The following ACOXL variants were observed in gnomAD, a reference collection of about 807,000 sequenced individuals.
ACOXL encodes acyl-CoA oxidase like, also known as acyl-coenzyme A oxidase-like protein.
A neutral mutation model predicts 71.9 loss-of-function variants in ACOXL; 70 were observed. That is an observed-to-expected ratio of 0.97 (90% CI 0.80 to 1.19). ACOXL has a LOEUF of 1.19. Among genes scored for constraint, ACOXL ranks in the 50% most tolerant of loss-of-function variants. ACOXL has a pLI of 0.00. For synonymous variants in ACOXL, 253 were observed against 281.6 expected (o/e 0.90, Z 1.02); for missense variants, 703 against 736.3 (o/e 0.95, Z 0.52).
chr2:110,988,991 A>G lies in ACOXL; in HGVS notation c.1169+1774A>G, dbSNP rs940709462. 2.7e-5 allele frequency among the ~76,000 whole-genome samples: 4 copies of G among 149,812 alleles called. 1 individual carries two copies. The South Asian group carries it at 6.3e-4, about 24-fold the overall frequency. On this transcript the variant is annotated intron_variant, in intron 13 of 17. Coordinates refer to ENST00000439055, the MANE Select transcript of ACOXL (RefSeq NM_001142807.4). ...TTGTGGCTTGTCTTATATTTTCTTT[A>G]TCGTGTGTTTTGATTGAGATAAATT...
At chr2:110,746,061 T>A (rs188840966) in intron 1 of ACOXL, among the ~76,000 whole-genome samples, 1 of 152,290 alleles carries the variant, frequency 6.6e-6, no homozygotes, top group Non-Finnish European at 1.5e-5. Flanking sequence ...CCTTACAACG[T>A]CAAGGCTGGC....
chr2:110,913,236 G>A (rs1466784728), intron 11 of ACOXL, among the ~76,000 whole-genome samples: 1 of 152,124 alleles, frequency 6.6e-6, no homozygotes, highest in Admixed American at 6.6e-5. Flanking sequence ...ATATATCTCA[G>A]CGCTTCTACT....
chr2:110,781,533 T>C (rs1377482871), intron 2 of ACOXL, among the ~76,000 whole-genome samples: 1 of 151,684 alleles, frequency 6.6e-6, no homozygotes, highest in African/African-American at 2.4e-5. Context: ...TCCCAGCTAC[T>C]CGGGAAGCTG....
intron 10 of ACOXL, among the ~76,000 whole-genome samples, chr2:110,862,117 A>G (rs1489630818): frequency 6.6e-6 from 1 of 152,094 alleles, no homozygotes; most frequent in Non-Finnish European, 1.5e-5. Flanking sequence ...GAGAACCCTC[A>G]CGCTTTGGCA....
intron 12 of ACOXL, among the ~76,000 whole-genome samples, chr2:110,934,814 G>A (rs886780502): frequency 6.6e-6 from 1 of 152,100 alleles, no homozygotes; most frequent in Admixed American, 6.5e-5. Flanking sequence ...GGGGGGTGGG[G>A]CATGTCTGCT....
At chr2:110,939,310 G>T (rs183052101) in intron 12 of ACOXL, among the ~76,000 whole-genome samples, 33 of 152,194 alleles carry the variant, frequency 2.2e-4, no homozygotes, top group Middle Eastern at 6.8e-3. Flanking sequence ...TGAGAATAAA[G>T]AAAAGCACAA....
chr2:111,049,074 C>T, intron 15 of ACOXL, 144 bp from the exon 16 acceptor site: 1 of 671,948 alleles, frequency 1.5e-6, no homozygotes, highest in Non-Finnish European at 2.6e-6. Flanking sequence ...ATGCAGGGGA[C>T]AGTTGGGGAG....
At position 111,049,286 on chromosome 2, in the gene ACOXL, A is replaced by G; in HGVS notation, c.1438A>G (p.Lys480Glu). Residue 480 changes from lysine to glutamate, a missense_variant and splice_region_variant, in exon 16 of 18, where the codon AAG becomes GAG. Lys to Glu is a moderately conservative substitution (Grantham distance 56). Transcript: ENST00000439055. ...PDQEDQTLLM[K>E]FCLLYGTKLV... ...CCAAGAGGACCAGACTTTGTTAATG[A>G]AGGTAGGTTATCAGATAAAGAACTT... The G allele has an allele frequency of 6.2e-7, 1 of 1,605,216 alleles. No homozygotes were observed. Among genetic ancestry groups the G allele is most frequent in the Non-Finnish European group, 8.5e-7 (1 of 1,171,962 alleles).
intron 1 of ACOXL, among the ~76,000 whole-genome samples, chr2:110,759,634 T>C (rs939445218): frequency 1.3e-5 from 2 of 152,230 alleles, no homozygotes; most frequent in African/African-American, 4.8e-5. Context: ...AGCTTGGCAA[T>C]CTTTTCACCC....
chr2:111,063,429 C>T (rs910234527), intron 16 of ACOXL, among the ~76,000 whole-genome samples: 2 of 152,032 alleles, frequency 1.3e-5, no homozygotes, highest in South Asian at 4.2e-4. Context: ...ATACACTGAC[C>T]AAGTGTGGTT....
chr2:110,825,526 C>T (rs1689067687), intron 9 of ACOXL, among the ~76,000 whole-genome samples: 1 of 152,098 alleles, frequency 6.6e-6, no homozygotes, highest in Non-Finnish European at 1.5e-5. Context: ...AGTGGACGTC[C>T]TCCGGCTTTT....
intron 12 of ACOXL, among the ~76,000 whole-genome samples, chr2:110,949,391 C>CTTTT (rs3838228): frequency 0.61 from 92,180 of 151,520 alleles, 28,266 homozygotes; most frequent in East Asian, 0.79. Flanking sequence ...AACTCCCTTT[C>CTTTT]TATTTTATTG....
intron 10 of ACOXL, among the ~76,000 whole-genome samples, chr2:110,877,468 C>G (rs1249312116): frequency 1.3e-5 from 2 of 152,214 alleles, no homozygotes; most frequent in East Asian, 3.8e-4. Flanking sequence ...CAAGAAATCA[C>G]ATTTCTGTGG....
intron 9 of ACOXL, among the ~76,000 whole-genome samples, chr2:110,818,753 T>C (rs2105491808): frequency 6.6e-6 from 1 of 152,162 alleles, no homozygotes; most frequent in East Asian, 1.9e-4. Context: ...GGGTGGAACA[T>C]AGAAATTCCT....
In ACOXL at chr2:110,983,831, T is replaced by C. The variant is rs185424559; in HGVS notation, c.1060-3277T>C. On this transcript the variant is annotated intron_variant, in intron 12 of 17. Coordinates refer to ENST00000439055, the MANE Select transcript of ACOXL (RefSeq NM_001142807.4). ...AATTTCTTAGTTTTGATAGTCACCA[T>C]TATTATGTAAGAGATCACTTTTTTA... Among the ~76,000 whole-genome samples, 190 of 152,238 alleles carry C rather than the reference T, an allele frequency of 1.2e-3. 1 individual carries two copies. The highest frequency in any genetic ancestry group is 3.9e-3 in the African/African-American group (164 of 41,556).
chr2:111,075,095 G>A lies in ACOXL; in HGVS notation c.1441-17770G>A, dbSNP rs2067532291. ...CTAGTTTTGGTATCACAGTAACACT[G>A]GCCTCATAAAATGAGTTGGGAAGGG... is the stretch of plus-strand genomic sequence containing the variant. On this transcript the variant is annotated intron_variant, in intron 16 of 17. Coordinates refer to ENST00000439055, the MANE Select transcript of ACOXL (RefSeq NM_001142807.4). 1.3e-5 allele frequency among the ~76,000 whole-genome samples: 2 copies of A among 152,030 alleles called. 1 individual carries two copies. Among genetic ancestry groups the A allele is most frequent in the South Asian group, 4.2e-4 (2 of 4,814 alleles).
At chr2:110,867,122 T>C (rs1349406534) in intron 10 of ACOXL, among the ~76,000 whole-genome samples, 1 of 152,052 alleles carries the variant, frequency 6.6e-6, no homozygotes, top group African/African-American at 2.4e-5. Flanking sequence ...CAGAGTGTCC[T>C]GGGTGCTGGG....
intron 17 of ACOXL, chr2:111,114,440 A>C (rs1267338275): frequency 6.6e-6 from 1 of 152,190 alleles, no homozygotes; most frequent in African/African-American, 2.4e-5. Flanking sequence ...GCCCAGATTA[A>C]AGGGATGGAG....
At position 111,098,664 on chromosome 2, in the gene ACOXL, A is replaced by G. The variant is rs1012215583; in HGVS notation, c.1542+5698A>G. The G allele has an allele frequency of 2.0e-5, 3 of 152,328 alleles. 1 individual carries two copies. Among genetic ancestry groups the G allele is most frequent in the African/African-American group, 4.8e-5 (2 of 41,588 alleles). 9.4% of individuals were successfully genotyped at this position (152,328 alleles called of 1,614,324 possible). On this transcript the variant is annotated intron_variant, in intron 17 of 17. Transcript: ENST00000439055. Reference sequence around the variant, plus strand: ...TAATATTGGTTTCCTAGTTTTTACAATGAGCCATAGTTATGGGGAAACTGG... The same window carrying G: ...TAATATTGGTTTCCTAGTTTTTACAGTGAGCCATAGTTATGGGGAAACTGG...
Sources: allele counts gnomAD v4.1 joint callset (sites outside exome capture counted in the v4.1 genomes callset), GRCh38; gene constraint gnomAD v4.1.1; transcripts MANE v1.5; gene names NCBI Gene and HGNC (gene_info 2026-07-23, HGNC 2026-07-21).